Variants in GPR55 observed in about 807,000 individuals in gnomAD.
GPR55 encodes the protein G protein-coupled receptor 55.
GPR55 carries 6 observed loss-of-function variants against 7.9 expected under a neutral mutation model. The observed-to-expected ratio is 0.76, with a 90% CI of 0.41 to 1.49. The LOEUF (loss-of-function observed/expected upper bound fraction) is 1.49, where lower values mean the gene tolerates loss of function less well. GPR55 is among the 40% of genes most tolerant of loss of function. The probability of loss-of-function intolerance (pLI) is 0.01; values close to 1 mark genes in which losing one functional copy is unlikely to be tolerated. For missense variants in GPR55, 376 were observed against 406.0 expected (o/e 0.93, Z 0.63); for synonymous variants, 183 against 166.8 (o/e 1.10, Z -0.75).
At chr2:230,929,456 T>G (rs1376737024), upstream of GPR55, 1 of 152,284 alleles carries the variant, frequency 6.6e-6, no homozygotes, top group Non-Finnish European at 1.5e-5. Context: ...CTGTCCAGAA[T>G]GCAGCCTTCC....
intron 1 of GPR55, among the ~76,000 whole-genome samples, chr2:230,921,984 T>C (rs1690848250): frequency 6.6e-6 from 1 of 152,174 alleles, no homozygotes; most frequent in Non-Finnish European, 1.5e-5. Context: ...AAAGCAAACC[T>C]ATCTCGCAGC....
At chr2:230,935,354 G>A (rs966723894) in intron 1 of GPR55, among the ~76,000 whole-genome samples, 1 of 152,194 alleles carries the variant, frequency 6.6e-6, no homozygotes, top group Admixed American at 6.5e-5. Flanking sequence ...GGAAGCGAAG[G>A]CTGACGGGCT....
Position 230,953,765 on chromosome 2 carries a change from C to T in GPR55, c.-135+7010G>A, listed in dbSNP as rs79772826. Among the ~76,000 whole-genome samples the T allele has an allele frequency of 7.5e-3, 1,136 of 152,314 alleles. 10 individuals carry two copies. Among genetic ancestry groups the T allele is most frequent in the African/African-American group, 0.025 (1,057 of 41,574 alleles). Reference sequence around the variant, plus strand: ...TGATTATAAGGAGGGCATTAAAGAGCAGGATCTCCTAGGAAACTGGAGAGG... The same window carrying T: ...TGATTATAAGGAGGGCATTAAAGAGTAGGATCTCCTAGGAAACTGGAGAGG... On this transcript the variant is annotated intron_variant, in intron 1 of 1. Coordinates refer to the GPR55 transcript ENST00000392039.
In GPR55 at chr2:230,936,651, G is replaced by T. The variant is rs192692088; in HGVS notation, c.-135+24124C>A. Among the ~76,000 whole-genome samples the T allele has an allele frequency of 2.0e-5, 3 of 152,312 alleles. No homozygotes were observed. In the East Asian group the frequency reaches 5.8e-4, roughly 29 times the overall value. On this transcript the variant is annotated intron_variant, in intron 1 of 1. Coordinates refer to the GPR55 transcript ENST00000392039. ...TTGGACAGCAGCAATGTCCATAGAGGTTCTGCCTGCAGGAGTGGCTCAAAG... is the reference window on the plus strand; with the variant it reads ...TTGGACAGCAGCAATGTCCATAGAGTTTCTGCCTGCAGGAGTGGCTCAAAG...
At chr2:230,922,938 G>C (rs930603455) in intron 1 of GPR55, among the ~76,000 whole-genome samples, 2 of 152,118 alleles carry the variant, frequency 1.3e-5, no homozygotes, top group Non-Finnish European at 2.9e-5. Flanking sequence ...TTCTGGGATC[G>C]AGCAATCCTC....
Position 230,924,134 on chromosome 2 carries a change from C to G in GPR55, c.-135+1034G>C, listed in dbSNP as rs1381825334. On this transcript the variant is annotated intron_variant, in intron 1 of 1. Coordinates refer to ENST00000650999, the MANE Select transcript of GPR55 (RefSeq NM_005683.4). This position sits in a 1 kb window ranked among gnomAD's most constrained non-coding sequence, Gnocchi z 4.5. ...CAGGACCAGGACCATGTCCCTTTCA[C>G]CTTTATCACCGAGCCTCACATACAG... is the stretch of plus-strand genomic sequence containing the variant. 6.6e-6 allele frequency among the ~76,000 whole-genome samples: 1 copy of G among 152,138 alleles called. No homozygotes were observed. The highest frequency in any genetic ancestry group is 2.4e-5 in the African/African-American group (1 of 41,430).
intron 1 of GPR55, chr2:230,957,550 G>A: frequency 2.7e-6 from 1 of 376,250 alleles, no homozygotes; most frequent in East Asian, 7.2e-5. Flanking sequence ...CTTCTCCCGC[G>A]GCGCCGGCGG....
chr2:230,933,606 A>G (rs1691088130), intron 1 of GPR55, among the ~76,000 whole-genome samples: 1 of 152,218 alleles, frequency 6.6e-6, no homozygotes, highest in Non-Finnish European at 1.5e-5. Flanking sequence ...GTCCACCCTC[A>G]GTCCCCTTAG....
At chr2:230,948,076 T>A (rs571624317) in intron 1 of GPR55, among the ~76,000 whole-genome samples, 1 of 152,314 alleles carries the variant, frequency 6.6e-6, no homozygotes, top group South Asian at 2.1e-4. Context: ...CCAAGAGGTC[T>A]TGGGTGCTGC....
At chr2:230,949,866 G>T (rs907480454) in intron 1 of GPR55, among the ~76,000 whole-genome samples, 1 of 151,192 alleles carries the variant, frequency 6.6e-6, no homozygotes, top group Non-Finnish European at 1.5e-5. Flanking sequence ...CAAGAGTCTC[G>T]CTCTGTCACC....
At chr2:230,913,965 G>A (rs1690654010) in intron 1 of GPR55, among the ~76,000 whole-genome samples, 1 of 152,224 alleles carries the variant, frequency 6.6e-6, no homozygotes, top group Non-Finnish European at 1.5e-5. Context: ...GAGGACATCT[G>A]TCTTTGTCTG....
chr2:230,917,976 GA>G (rs1378633648), intron 1 of GPR55, among the ~76,000 whole-genome samples: 2 of 151,692 alleles, frequency 1.3e-5, no homozygotes, highest in Admixed American at 6.6e-5. Context: ...TATTCTCAGA[GA>G]TAAACACATT....
At chr2:230,916,717 T>C (rs1690725923) in intron 1 of GPR55, among the ~76,000 whole-genome samples, 6 of 151,974 alleles carry the variant, frequency 3.9e-5, no homozygotes, top group Admixed American at 3.9e-4. Flanking sequence ...TTTACTTCAA[T>C]AATTACAGAA....
chr2:230,942,583 G>A (rs1193343889), intron 1 of GPR55, among the ~76,000 whole-genome samples: 2 of 152,156 alleles, frequency 1.3e-5, no homozygotes, highest in Non-Finnish European at 2.9e-5. Flanking sequence ...CCAAAAGGGA[G>A]GTCAATGGCA....
chr2:230,958,422 A>C (rs1691523880), intron 1 of GPR55, among the ~76,000 whole-genome samples: 1 of 152,180 alleles, frequency 6.6e-6, no homozygotes, highest in Non-Finnish European at 1.5e-5. Flanking sequence ...AGTTATTGTT[A>C]AATGTTCATT....
At position 230,909,328 on chromosome 2, in the gene GPR55, G is replaced by A. The variant is rs1316554104; in HGVS notation, c.*675C>T. 1 of 152,418 alleles carries A rather than the reference G, an allele frequency of 6.6e-6. No individual in the cohort carries two copies. Among genetic ancestry groups the A allele is most frequent in the Non-Finnish European group, 1.5e-5 (1 of 68,208 alleles). 9.4% of individuals were successfully genotyped at this position (152,418 alleles called of 1,614,324 possible). ...TTGGATGTCATCAACACCCCACTCA[G>A]TCATTTTGCAGTCTTCTCACGGGCA... On this transcript the variant is annotated 3_prime_UTR_variant, in exon 2 of 2. Transcript: ENST00000650999.
At chr2:230,936,751 G>C (rs1469136300) in intron 1 of GPR55, among the ~76,000 whole-genome samples, 13 of 152,182 alleles carry the variant, frequency 8.5e-5, no homozygotes, top group Admixed American at 8.5e-4. Context: ...TTGAGGCCAG[G>C]ATTATCCCCA....
rs571855995 is a variant in GPR55 at position 230,937,638 on chromosome 2, C to T, written c.-135+23137G>A. 5.3e-5 allele frequency among the ~76,000 whole-genome samples: 8 copies of T among 151,430 alleles called. No homozygotes were observed. The South Asian group carries it at 1.7e-3, about 32-fold the overall frequency. On this transcript the variant is annotated intron_variant, in intron 1 of 1. Coordinates refer to the GPR55 transcript ENST00000392039. Reference sequence around the variant, plus strand: ...ACGGAGCATTTATTTCCAACAGTCACCAAAAAAAGTTATTAGATGATAAAT... The same window carrying T: ...ACGGAGCATTTATTTCCAACAGTCATCAAAAAAAGTTATTAGATGATAAAT...
At chr2:230,945,169 A>C (rs1691291138) in intron 1 of GPR55, among the ~76,000 whole-genome samples, 1 of 152,210 alleles carries the variant, frequency 6.6e-6, no homozygotes, top group Admixed American at 6.5e-5. Context: ...TGATCTGCGC[A>C]AAAAGATGGC....
Sources: allele counts gnomAD v4.1 joint callset (sites outside exome capture counted in the v4.1 genomes callset), GRCh38; gene constraint gnomAD v4.1.1; non-coding constraint Gnocchi (gnomAD v3.1); transcripts MANE v1.5; gene names NCBI Gene and HGNC (gene_info 2026-07-23, HGNC 2026-07-21).